Variants in AGTRAP observed in about 807,000 individuals in gnomAD.
AGTRAP encodes the protein type-1 angiotensin II receptor-associated protein.
In AGTRAP, 7 loss-of-function variants were observed where a neutral mutation model predicts 15.2. The observed-to-expected ratio is 0.46, with a 90% confidence interval of 0.26 to 0.87. The LOEUF is 0.87. AGTRAP is among the 40% of genes least tolerant of loss of function. The probability of loss-of-function intolerance (pLI) is 0.15; values close to 1 mark genes in which losing one functional copy is unlikely to be tolerated. For synonymous variants in AGTRAP, 74 were observed against 89.6 expected (o/e 0.83, Z 0.98); for missense variants, 187 against 213.4 (o/e 0.88, Z 0.77).
At position 11,745,936 on chromosome 1, in the gene AGTRAP, T is replaced by A; in HGVS notation, c.62+99T>A. 6.6e-7 allele frequency: 1 copy of A among 1,518,354 alleles called. No homozygotes were observed. 94.1% of individuals were successfully genotyped at this position (1,518,354 alleles called of 1,614,324 possible). A position where few individuals can be genotyped will look rare whatever the true frequency, so the allele number is the denominator to read the frequency against. On this transcript the variant is annotated intron_variant, in intron 2 of 4. Coordinates refer to ENST00000314340, the MANE Select transcript of AGTRAP (RefSeq NM_020350.5). The surrounding 1 kb of genome is among the most constrained non-coding windows in gnomAD (Gnocchi z 4.2). ...TCTGCCGTGTTTTAACCAGGTCACT[T>A]TGGGCCAGACAGCTCTGCCTCTCCG...
At chr1:11,736,327 G>T in intron 1 of AGTRAP, 92 bp downstream of exon 1, 1 of 1,525,472 alleles carries the variant, frequency 6.6e-7, no homozygotes, top group East Asian at 2.4e-5. Context: ...CGGAGTTTTG[G>T]GGAAAGAGGG....
At chr1:11,742,094 A>C (rs2100766826) in intron 1 of AGTRAP, among the ~76,000 whole-genome samples, 1 of 152,364 alleles carries the variant, frequency 6.6e-6, no homozygotes, top group Non-Finnish European at 1.5e-5. Context: ...TCACAAGCCC[A>C]AACAGTTCCC....
rs532577781 is a variant in AGTRAP at position 11,745,827 on chromosome 1, C to T, written c.52C>T (p.Leu18=). 2 of 1,614,160 alleles carry T rather than the reference C, an allele frequency of 1.2e-6. No homozygotes were observed. The highest frequency in any genetic ancestry group is 3.3e-5 in the Admixed American group (2 of 60,002). ...GGTGATTCTCCTAGGTCACTGGCTG[C>T]TGACAACCTGGTAAGTGACTCTGTG... is the stretch of plus-strand genomic sequence containing the variant. ...LKVILLGHWL[L]TTWGCIVFSG... The change falls in exon 2 of 5, where the codon CTG becomes TTG. Residue 18 remains leucine, a synonymous_variant. Coordinates refer to ENST00000314340, the MANE Select transcript of AGTRAP (RefSeq NM_020350.5). The surrounding 1 kb of genome is among the most constrained non-coding windows in gnomAD (Gnocchi z 4.2).
At chr1:11,748,052 C>T (rs1642213700) in intron 3 of AGTRAP, among the ~76,000 whole-genome samples, 1 of 152,180 alleles carries the variant, frequency 6.6e-6, no homozygotes, top group African/African-American at 2.4e-5. Flanking sequence ...GAGGCCAGGG[C>T]CTCAGGATGA....
At chr1:11,744,792 T>C (rs1642120507) in intron 1 of AGTRAP, among the ~76,000 whole-genome samples, 1 of 152,224 alleles carries the variant, frequency 6.6e-6, no homozygotes, top group Non-Finnish European at 1.5e-5. Context: ...AAAGAATGGC[T>C]ACTCCATAGG....
At position 11,745,989 on chromosome 1, in the gene AGTRAP, C is replaced by T; in HGVS notation, c.62+152C>T. On this transcript the variant is annotated intron_variant, in intron 2 of 4. Coordinates refer to ENST00000314340, the MANE Select transcript of AGTRAP (RefSeq NM_020350.5). This position sits in a 1 kb window ranked among gnomAD's most constrained non-coding sequence, Gnocchi z 4.2. ...TCTTGATTTCCGTCTGTACAATAGG[C>T]ATAAGGATTGCACACCCTGCAGGAG... The T allele has an allele frequency of 7.6e-7, 1 of 1,323,696 alleles. No individual in the cohort carries two copies. Among genetic ancestry groups the T allele is most frequent in the Non-Finnish European group, 1.1e-6 (1 of 918,378 alleles). 82.0% of individuals were successfully genotyped at this position (1,323,696 alleles called of 1,614,324 possible).
chr1:11,748,422 G>C lies in AGTRAP; in HGVS notation c.176G>C (p.Gly59Ala), dbSNP rs746809099. Residue 59 changes from glycine to alanine, a missense_variant, in exon 4 of 5, where the codon GGT (glycine) becomes GCT (alanine). Coordinates refer to ENST00000314340, the MANE Select transcript of AGTRAP (RefSeq NM_020350.5). ...DSIDAISMFL[G>A]GLLATIFLDI... ...GTGTGGTGTGTCTTGCAGTTTCTGG[G>C]TGGCTTGCTGGCCACCATCTTCCTG... is the stretch of plus-strand genomic sequence containing the variant. 1 of 1,613,436 alleles carries C rather than the reference G, an allele frequency of 6.2e-7. No individual in the cohort carries two copies. The highest frequency in any genetic ancestry group is 2.2e-5 in the East Asian group (1 of 44,870).
At chr1:11,736,483 C>A (rs889507412) in intron 1 of AGTRAP, among the ~76,000 whole-genome samples, 2 of 152,214 alleles carry the variant, frequency 1.3e-5, no homozygotes, top group African/African-American at 2.4e-5. Flanking sequence ...GGGCCGCCCC[C>A]TCCCGGACTC....
At chr1:11,746,947 C>T (rs1028778519) in intron 2 of AGTRAP, among the ~76,000 whole-genome samples, 5 of 152,060 alleles carry the variant, frequency 3.3e-5, no homozygotes, top group African/African-American at 7.2e-5. Context: ...GGTGAACATT[C>T]GAGTCTCAGG....
chr1:11,746,247 T>C, intron 2 of AGTRAP: 1 of 1,571,526 alleles, frequency 6.4e-7, no homozygotes, highest in South Asian at 1.1e-5. Flanking sequence ...ACTGTAACCA[T>C]CATGATTCAC....
At chr1:11,742,750 C>T (rs980323679) in intron 1 of AGTRAP, among the ~76,000 whole-genome samples, 3 of 152,264 alleles carry the variant, frequency 2.0e-5, no homozygotes, top group East Asian at 1.9e-4. Context: ...AGGTTGTTCT[C>T]GAACTCCTGG....
chr1:11,747,694 C>T, intron 3 of AGTRAP, 149 bp downstream of exon 3: 2 of 837,582 alleles, frequency 2.4e-6, no homozygotes, highest in Admixed American at 4.6e-5. Context: ...CATCAGCCTC[C>T]TGGGCTCCGG....
intron 2 of AGTRAP, chr1:11,746,482 C>T (rs931899955): frequency 2.5e-6 from 1 of 392,826 alleles, no homozygotes; most frequent in Admixed American, 3.9e-5. Flanking sequence ...GAAGCGCCCG[C>T]TGCATGCAGG....
At position 11,748,395 on chromosome 1, in the gene AGTRAP, C is replaced by T. The variant is rs1456663492; in HGVS notation, c.169-20C>T. 1.2e-6 allele frequency: 2 copies of T among 1,609,460 alleles called. No homozygotes were observed. Among genetic ancestry groups the T allele is most frequent in the Admixed American group, 1.7e-5 (1 of 59,926 alleles). On this transcript the variant is annotated intron_variant, in intron 3 of 4. Coordinates refer to ENST00000314340, the MANE Select transcript of AGTRAP (RefSeq NM_020350.5). ...AGCGTGGTGGGGGTGTTGTGCTCAT[C>T]AGTGTGGTGTGTCTTGCAGTTTCTG...
rs1465110983 is a variant in AGTRAP at position 11,745,343 on chromosome 1, G to C, written c.28-460G>C. 1.3e-5 allele frequency among the ~76,000 whole-genome samples: 2 copies of C among 152,146 alleles called. No individual in the cohort carries two copies. The highest frequency in any genetic ancestry group is 2.9e-5 in the Non-Finnish European group (2 of 68,028). On this transcript the variant is annotated intron_variant, in intron 1 of 4. Coordinates refer to ENST00000314340, the MANE Select transcript of AGTRAP (RefSeq NM_020350.5). This position sits in a 1 kb window ranked among gnomAD's most constrained non-coding sequence, Gnocchi z 4.2. ...GTTACTCTCGTGGCCATCTTGATTT[G>C]GGTGGGTTTTAGCCGGCTTCTTTAC... is the stretch of plus-strand genomic sequence containing the variant.
intron 1 of AGTRAP, among the ~76,000 whole-genome samples, chr1:11,737,938 C>T (rs1035724184): frequency 1.3e-5 from 2 of 152,080 alleles, no homozygotes; most frequent in African/African-American, 2.4e-5. Context: ...GTTGTCAGGT[C>T]GTGTACAGGA....
At chr1:11,746,002 C>A in intron 2 of AGTRAP, 165 bp downstream of exon 2, 2 of 1,328,174 alleles carry the variant, frequency 1.5e-6, no homozygotes, top group Non-Finnish European at 2.2e-6. Context: ...AAGGATTGCA[C>A]ACCCTGCAGG....
chr1:11,739,824 T>TAA (rs1557701461), intron 1 of AGTRAP, among the ~76,000 whole-genome samples: 2 of 152,178 alleles, frequency 1.3e-5, no homozygotes, highest in Admixed American at 1.3e-4. Flanking sequence ...AACGGATACT[T>TAA]ACAGTGACCG....
chr1:11,736,347 A>G (rs1641896190), intron 1 of AGTRAP, 112 bp downstream of exon 1: 8 of 1,440,638 alleles, frequency 5.6e-6, no homozygotes, highest in Non-Finnish European at 7.6e-6. Flanking sequence ...GATGGTAGGG[A>G]GGAAGGGAAG....
Sources: allele counts gnomAD v4.1 joint callset (sites outside exome capture counted in the v4.1 genomes callset), GRCh38; gene constraint gnomAD v4.1.1; non-coding constraint Gnocchi (gnomAD v3.1); transcripts MANE v1.5; gene names NCBI Gene and HGNC (gene_info 2026-07-23, HGNC 2026-07-21).